Variants in VSIR observed in about 807,000 individuals in gnomAD.
The protein encoded by VSIR is V-type immunoglobulin domain-containing suppressor of T-cell activation.
A neutral mutation model predicts 31.0 loss-of-function variants in VSIR; 10 were observed. The observed-to-expected ratio is 0.32, with a 90% CI of 0.20 to 0.55. The LOEUF (loss-of-function observed/expected upper bound fraction) is 0.55, where lower values mean the gene tolerates loss of function less well. Ranked by LOEUF, VSIR falls within the 20% of genes least tolerant of loss-of-function variation. The pLI, the probability that VSIR is intolerant of heterozygous loss-of-function variation, is 0.93. For synonymous variants in VSIR, 179 were observed against 180.1 expected, an observed-to-expected ratio of 0.99 and a Z score of 0.05; for missense variants, 356 against 416.2, an observed-to-expected ratio of 0.86 and a Z score of 1.26.
chr10:71,755,217 G>A (rs759697694), intron 4 of VSIR, 142 bp downstream of exon 4: 11 of 830,538 alleles, frequency 1.3e-5, no homozygotes, highest in Non-Finnish European at 2.1e-5. Context: ...CCAGCTCCTG[G>A]CGGGAAGTGC....
chr10:71,760,753 C>A, intron 3 of VSIR, 115 bp downstream of exon 3: 1 of 927,482 alleles, frequency 1.1e-6, no homozygotes, highest in South Asian at 1.4e-5. Context: ...GGAGGAGGAC[C>A]GGGGGGTTCT....
At chr10:71,769,399 A>G (rs1485501178) in intron 1 of VSIR, among the ~76,000 whole-genome samples, 2 of 152,254 alleles carry the variant, frequency 1.3e-5, no homozygotes, top group African/African-American at 2.4e-5. Context: ...ATTTATGACA[A>G]GTGATACTGG....
At chr10:71,757,866 T>C (rs1253366551) in intron 3 of VSIR, among the ~76,000 whole-genome samples, 1 of 152,176 alleles carries the variant, frequency 6.6e-6, no homozygotes, top group African/African-American at 2.4e-5. Context: ...CAAAGGGAGA[T>C]GAGCTGCCTA....
intron 1 of VSIR, among the ~76,000 whole-genome samples, chr10:71,765,844 A>G (rs1840528272): frequency 6.6e-6 from 1 of 152,112 alleles, no homozygotes; most frequent in Non-Finnish European, 1.5e-5. Context: ...TTCAAGCAAG[A>G]GGGCCAGACA....
At chr10:71,757,926 G>A (rs1840192046) in intron 3 of VSIR, among the ~76,000 whole-genome samples, 1 of 152,178 alleles carries the variant, frequency 6.6e-6, no homozygotes, top group Non-Finnish European at 1.5e-5. Flanking sequence ...AGCAATGCAG[G>A]AGCTCCTTGG....
rs757981626 is a variant in VSIR, at chr10:71,773,457, A to C, written c.-18T>G. On this transcript the variant is annotated 5_prime_UTR_variant, in exon 1 of 7. Transcript: ENST00000394957. ...ACGCCCATGTCGCCGTCGGACGCGC[A>C]GAGGAACTTCTGGTGCCGGGGAGCG... is the stretch of plus-strand genomic sequence containing the variant. The C allele has an allele frequency of 6.3e-7, 1 of 1,580,752 alleles. No individual in the cohort carries two copies. Among genetic ancestry groups the C allele is most frequent in the Non-Finnish European group, 8.6e-7 (1 of 1,163,366 alleles).
rs546612668 is a variant in VSIR, at chr10:71,750,846, G to A, written c.*407C>T. 2.9e-3 allele frequency: 480 copies of A among 168,270 alleles called. 2 individuals are homozygous for A. Among genetic ancestry groups the A allele is most frequent in the Non-Finnish European group, 4.2e-3 (327 of 78,554 alleles). 10.4% of individuals were successfully genotyped at this position (168,270 alleles called of 1,614,324 possible). Reference sequence around the variant, plus strand: ...GCCACGGGGGAGAAGTCTCTCCACCGTGCCCTGTGTCTGGTGCCTGGGAGG... The same window carrying A: ...GCCACGGGGGAGAAGTCTCTCCACCATGCCCTGTGTCTGGTGCCTGGGAGG... On this transcript the variant is annotated 3_prime_UTR_variant, in exon 7 of 7. Transcript: ENST00000394957.
At chr10:71,758,977 C>T (rs1453231904) in intron 3 of VSIR, among the ~76,000 whole-genome samples, 1 of 152,026 alleles carries the variant, frequency 6.6e-6, no homozygotes, top group African/African-American at 2.4e-5. Flanking sequence ...TCAAGCAGCT[C>T]TCATGTCTCA....
In VSIR at chr10:71,759,827, A is replaced by ACACACACACACACACG. The variant is rs1300287073; in HGVS notation, c.568+1040_568+1041insCGTGTGTGTGTGTGTG. On this transcript the variant is annotated intron_variant, in intron 3 of 6. Transcript: ENST00000394957. ...ACCGTGTTTCAGAAAATATACACAC[A>ACACACACACACACACG]CACACACACACACACACACATATAC... Among the ~76,000 whole-genome samples, 42 of 63,842 alleles carry ACACACACACACACACG rather than the reference A, an allele frequency of 6.6e-4. 11 individuals are homozygous for ACACACACACACACACG. The highest frequency in any genetic ancestry group is 1.6e-3 in the African/African-American group (35 of 22,196). 41.9% of individuals were successfully genotyped at this position (63,842 alleles called of 152,430 possible).
chr10:71,752,089 C>T lies in VSIR; in HGVS notation c.705-228G>A, dbSNP rs1002576115. On this transcript the variant is annotated intron_variant, in intron 5 of 6. Coordinates refer to ENST00000394957, the MANE Select transcript of VSIR (RefSeq NM_022153.2). ...GGGCATCAGGGCCCACCAGAACAGA[C>T]CCCAGCTCCTCCCTGTGGTCTGACC... The T allele has an allele frequency of 1.5e-5, 10 of 685,876 alleles. No individual in the cohort carries two copies. In the Admixed American group the frequency reaches 1.6e-4, roughly 11 times the overall value. The allele number at this position is 685,876 out of a possible 1,614,324, so 42.5% of individuals were successfully genotyped here.
At position 71,750,468 on chromosome 10, in the gene VSIR, A is replaced by T. The variant is rs1839967986; in HGVS notation, c.*785T>A. The T allele has an allele frequency of 6.6e-6, 1 of 152,202 alleles. No homozygotes were observed. Among genetic ancestry groups the T allele is most frequent in the Non-Finnish European group, 1.5e-5 (1 of 68,096 alleles). 9.4% of individuals were successfully genotyped at this position (152,202 alleles called of 1,614,324 possible). Reference sequence around the variant, plus strand: ...GGGCGGGGGGCAGGTGCCCCTCTCCACTCACCTTCCCAGAAGGCCCCACCC... The same window carrying T: ...GGGCGGGGGGCAGGTGCCCCTCTCCTCTCACCTTCCCAGAAGGCCCCACCC... On this transcript the variant is annotated 3_prime_UTR_variant, in exon 7 of 7. Transcript: ENST00000394957.
chr10:71,765,687 G>A (rs574935368), intron 1 of VSIR, among the ~76,000 whole-genome samples: 4 of 152,144 alleles, frequency 2.6e-5, no homozygotes, highest in Non-Finnish European at 5.9e-5. Context: ...CAGGGAGTAC[G>A]GGAGAGGGGG....
chr10:71,769,086 C>G, intron 1 of VSIR, among the ~76,000 whole-genome samples: 1 of 152,336 alleles, frequency 6.6e-6, no homozygotes, highest in South Asian at 2.1e-4. Flanking sequence ...TGCCTGGCCA[C>G]GTCTACCACA....
chr10:71,751,709 A>G lies in VSIR; in HGVS notation c.857T>C (p.Leu286Pro), dbSNP rs1040437072. Residue 286 changes from leucine to proline, a missense_variant, in exon 6 of 7, where the codon CTG (leucine) becomes CCG (proline). Physicochemically the swap from Leu to Pro is moderately conservative, Grantham distance 98. Transcript: ENST00000394957. This position sits in a 1 kb window ranked among gnomAD's most constrained non-coding sequence, Gnocchi z 4.9. ...GACGTCTCCGGGGCCTGGAGGAGAC[A>G]GGGGGGTGCTGGGCTCCGAAAGCAG... ...RHLLSEPSTP[L>P]SPPGPGDVFF... 4 of 1,568,718 alleles carry G rather than the reference A, an allele frequency of 2.5e-6. No individual in the cohort carries two copies. Among genetic ancestry groups the G allele is most frequent in the Middle Eastern group, 2.0e-4 (1 of 4,958 alleles).
intron 4 of VSIR, chr10:71,753,868 C>T: frequency 2.2e-6 from 1 of 456,472 alleles, no homozygotes; most frequent in Non-Finnish European, 4.4e-6. Flanking sequence ...TTACAGCCGA[C>T]TCATGGGTCA....
chr10:71,751,783 G>T lies in VSIR; in HGVS notation c.783C>A (p.His261Gln). The stretch of plus-strand genomic sequence containing the variant: ...GCCGCTGGGCCACATAGGACAGGGG[G>T]TGCCTGACTTTGGCCTCGGGTATCC... ...AQGIPEAKVRHPLSYVAQRQP... is the reference protein window; with the variant it reads ...AQGIPEAKVRQPLSYVAQRQP... The change falls in exon 6 of 7, where the codon CAC becomes CAA. Residue 261 changes from histidine (H) to glutamine (Q), a missense_variant. By Grantham distance (24) the His-to-Gln change is conservative. This residue lies in a region of VSIR where 190 missense variants were observed against 185.2 expected (regional missense o/e 1.03). Coordinates refer to ENST00000394957, the MANE Select transcript of VSIR (RefSeq NM_022153.2). This position sits in a 1 kb window ranked among gnomAD's most constrained non-coding sequence, Gnocchi z 4.9. 6.2e-7 allele frequency: 1 copy of T among 1,600,750 alleles called. No individual in the cohort carries two copies. The highest frequency in any genetic ancestry group is 8.5e-7 in the Non-Finnish European group (1 of 1,173,486).
At chr10:71,768,165 C>CTGT (rs754193241) in intron 1 of VSIR, among the ~76,000 whole-genome samples, 35 of 151,642 alleles carry the variant, frequency 2.3e-4, no homozygotes, top group Admixed American at 7.9e-4. Flanking sequence ...GGCTTTGTTG[C>CTGT]TGTTGTTGTT....
Position 71,751,814 on chromosome 10 carries a change from G to A in VSIR, c.752C>T (p.Ala251Val). ...ENPGFEASPP[A>V]QGIPEAKVRH... ...GACTTTGGCCTCGGGTATCCCCTGG[G>A]CAGGTGGTGAGGCTTCAAAGCCGGG... Residue 251 changes from alanine (A) to valine (V), a missense_variant, in exon 6 of 7, where the codon GCC becomes GTC. By Grantham distance (64) the Ala-to-Val change is moderately conservative. Transcript: ENST00000394957. The surrounding 1 kb of genome is among the most constrained non-coding windows in gnomAD (Gnocchi z 4.9). 6.3e-7 allele frequency: 1 copy of A among 1,582,368 alleles called. No individual in the cohort carries two copies. The highest frequency in any genetic ancestry group is 1.4e-5 in the African/African-American group (1 of 73,604).
intron 1 of VSIR, among the ~76,000 whole-genome samples, chr10:71,762,325 T>C (rs1840416300): frequency 6.6e-6 from 1 of 152,204 alleles, no homozygotes; most frequent in Non-Finnish European, 1.5e-5. Flanking sequence ...GTAGAGTATA[T>C]GCAAAACCTG....
Sources: gnomAD v4.1 joint callset for allele counts (sites outside exome capture counted in the v4.1 genomes callset) on GRCh38, gnomAD v4.1.1 for gene constraint, gnomAD v4.1.1 regional missense constraint, Gnocchi (gnomAD v3.1) non-coding constraint, MANE v1.5 for transcripts, NCBI Gene and HGNC (gene_info 2026-07-23, HGNC 2026-07-21) for gene names.